Variants in PCDH7 observed in about 807,000 individuals in gnomAD.
PCDH7 encodes the protein protocadherin 7.
A neutral mutation model predicts 58.9 loss-of-function variants in PCDH7; 17 were observed. The observed-to-expected ratio is 0.29, with a 90% confidence interval of 0.20 to 0.43. PCDH7 has a LOEUF of 0.43. Among genes scored for constraint, PCDH7 ranks in the 20% least tolerant of loss-of-function variants. PCDH7 has a pLI of 1.00. For missense variants in PCDH7, 1,274 were observed against 1,441.0 expected (o/e 0.88, Z 1.88); for synonymous variants, 664 against 616.4 (o/e 1.08, Z -1.14).
intron 1 of PCDH7, among the ~76,000 whole-genome samples, chr4:30,897,368 T>C (rs1480609678): frequency 6.6e-6 from 1 of 152,230 alleles, no homozygotes; most frequent in Non-Finnish European, 1.5e-5. Flanking sequence ...TACTAAATCA[T>C]AAATAAGTGG....
chr4:31,051,105 C>A (rs146758320), intron 3 of PCDH7, among the ~76,000 whole-genome samples: 50 of 152,216 alleles, frequency 3.3e-4, no homozygotes, highest in Admixed American at 1.4e-3. Context: ...AATTCCAATT[C>A]TTTCTTCAAA....
intron 1 of PCDH7, among the ~76,000 whole-genome samples, chr4:30,778,296 A>G (rs1487411947): frequency 6.6e-6 from 1 of 152,188 alleles, no homozygotes; most frequent in Non-Finnish European, 1.5e-5. Context: ...ACAAAAGAGC[A>G]AAAGAGAAGC....
At chr4:30,801,201 A>G (rs956216321) in intron 1 of PCDH7, among the ~76,000 whole-genome samples, 2 of 152,186 alleles carry the variant, frequency 1.3e-5, no homozygotes, top group African/African-American at 4.8e-5. Flanking sequence ...AATGGATAAG[A>G]TATTTGCTTC....
chr4:30,939,863 A>G (rs1044213033), intron 2 of PCDH7, among the ~76,000 whole-genome samples: 27 of 152,108 alleles, frequency 1.8e-4, no homozygotes, highest in African/African-American at 6.0e-4. Flanking sequence ...AGCATTTATT[A>G]CAGAAGTACC....
At chr4:31,111,063 T>C (rs1716238767) in intron 3 of PCDH7, among the ~76,000 whole-genome samples, 1 of 152,118 alleles carries the variant, frequency 6.6e-6, no homozygotes. Flanking sequence ...ACAGCTATCA[T>C]AGTGTCACCG....
At chr4:30,881,170 G>T (rs1736921597) in intron 1 of PCDH7, among the ~76,000 whole-genome samples, 1 of 152,012 alleles carries the variant, frequency 6.6e-6, no homozygotes, top group South Asian at 2.1e-4. Context: ...AATTGATCCT[G>T]TTACCAACCC....
chr4:30,919,262 G>A (rs1011326862), intron 1 of PCDH7, among the ~76,000 whole-genome samples: 1 of 151,764 alleles, frequency 6.6e-6, no homozygotes, highest in African/African-American at 2.4e-5. Flanking sequence ...TCAATACATG[G>A]CATTGGTTTG....
Position 30,721,924 on chromosome 4 carries a change from A to C in PCDH7, c.502A>C (p.Thr168Pro). Reference sequence around the variant, plus strand: ...CACACTTTACCTGCTGCCCACAGCCACCGACCGCGACTTCGGCCGCAACGG... The same window carrying C: ...CACACTTTACCTGCTGCCCACAGCCCCCGACCGCGACTTCGGCCGCAACGG... The change falls in exon 1 of 2, where the codon ACC becomes CCC. Residue 168 changes from threonine to proline, a missense_variant. Coordinates refer to ENST00000361762, the Ensembl canonical transcript of PCDH7. This position sits in a 1 kb window ranked among gnomAD's most constrained non-coding sequence, Gnocchi z 6.7. The C allele has an allele frequency of 6.4e-7, 1 of 1,570,462 alleles. No homozygotes were observed. The highest frequency in any genetic ancestry group is 1.2e-5 in the South Asian group (1 of 86,212).
At chr4:30,981,000 G>A (rs369884869) in intron 3 of PCDH7, among the ~76,000 whole-genome samples, 58 of 152,132 alleles carry the variant, frequency 3.8e-4, no homozygotes, top group African/African-American at 1.3e-3. Context: ...GTGCCACCAC[G>A]CTCAGCTAAT....
intron 1 of PCDH7, among the ~76,000 whole-genome samples, chr4:30,892,726 G>A (rs552201898): frequency 2.0e-5 from 3 of 152,144 alleles, no homozygotes; most frequent in African/African-American, 7.2e-5. Context: ...ATGTTAATAT[G>A]AATTGTCTTA....
chr4:30,760,094 G>A (rs1719830592), intron 1 of PCDH7, among the ~76,000 whole-genome samples: 1 of 152,080 alleles, frequency 6.6e-6, no homozygotes, highest in South Asian at 2.1e-4. Flanking sequence ...CGGTAGTTAA[G>A]CTTCAAGTGC....
At chr4:30,920,475 C>A in intron 2 of PCDH7, 106 bp downstream of exon 2, 1 of 601,020 alleles carries the variant, frequency 1.7e-6, no homozygotes, top group Non-Finnish European at 2.6e-6. Flanking sequence ...GACATTAAAA[C>A]CATTTTATTT....
intron 1 of PCDH7, among the ~76,000 whole-genome samples, chr4:30,889,201 T>G (rs1025768115): frequency 6.6e-6 from 1 of 150,412 alleles, no homozygotes; most frequent in African/African-American, 2.4e-5. Flanking sequence ...CTTCTTTAAG[T>G]TACCAAGAGT....
chr4:30,737,851 T>C (rs554317646), downstream of PCDH7, among the ~76,000 whole-genome samples: 3 of 152,324 alleles, frequency 2.0e-5, no homozygotes, highest in Non-Finnish European at 4.4e-5. Context: ...AGAGAATCTA[T>C]GTGAGTCTAC....
At chr4:31,022,040 C>T (rs1347395433) in intron 3 of PCDH7, among the ~76,000 whole-genome samples, 6 of 151,970 alleles carry the variant, frequency 3.9e-5, no homozygotes, top group East Asian at 1.9e-4. Context: ...TAATTATTGT[C>T]GTTTAAATAT....
Position 30,864,644 on chromosome 4 carries a change from T to C in PCDH7, c.71-55509T>C, listed in dbSNP as rs527573195. On this transcript the variant is annotated intron_variant, in intron 1 of 3. Coordinates refer to the PCDH7 transcript ENST00000509759. ...CAAATTAGATGCTTTGGTATTCTCT[T>C]CAGTGGTCCTATACTGTGAATGAAA... 1.4e-4 allele frequency among the ~76,000 whole-genome samples: 21 copies of C among 152,194 alleles called. No individual in the cohort carries two copies. In the South Asian group the frequency reaches 3.7e-3, roughly 27 times the overall value.
intron 2 of PCDH7, among the ~76,000 whole-genome samples, chr4:30,934,690 C>A (rs549328416): frequency 6.6e-6 from 1 of 152,216 alleles, no homozygotes; most frequent in African/African-American, 2.4e-5. Context: ...ATATTTGAGT[C>A]ATTTTTGACT....
At chr4:30,779,985 A>C (rs924809962) in intron 1 of PCDH7, among the ~76,000 whole-genome samples, 30 of 152,200 alleles carry the variant, frequency 2.0e-4, no homozygotes, top group African/African-American at 7.2e-4. Flanking sequence ...GGTGGCCGGT[A>C]TTATGGCCTG....
At chr4:30,786,647 A>G (rs1347282920) in intron 1 of PCDH7, 2 of 300,612 alleles carry the variant, frequency 6.7e-6, no homozygotes, top group Non-Finnish European at 9.8e-6. Context: ...CAAGATGTGC[A>G]GTCCAAGCTT....
Sources: gnomAD v4.1 joint callset for allele counts (sites outside exome capture counted in the v4.1 genomes callset) on GRCh38, gnomAD v4.1.1 for gene constraint, Gnocchi (gnomAD v3.1) non-coding constraint, MANE v1.5 for transcripts, NCBI Gene and HGNC (gene_info 2026-07-23, HGNC 2026-07-21) for gene names.